The following ESR1 variants were observed in gnomAD, a reference collection of about 807,000 sequenced individuals.
ESR1 encodes estrogen receptor.
ESR1 carries 12 observed loss-of-function variants against 52.7 expected under a neutral mutation model. The ratio of observed to expected loss-of-function variants is 0.23; its 90% CI spans 0.15 to 0.37. The LOEUF (loss-of-function observed/expected upper bound fraction) is 0.37, where lower values mean the gene tolerates loss of function less well. Ranked by LOEUF, ESR1 falls within the 10% of genes least tolerant of loss-of-function variation. The pLI, the probability that ESR1 is intolerant of heterozygous loss-of-function variation, is 1.00. For missense variants in ESR1, 584 were observed against 779.7 expected (o/e 0.75, Z 2.99); for synonymous variants, 305 against 316.8 (o/e 0.96, Z 0.39).
At chr6:151,835,043 G>A (rs1783089975) in intron 1 of ESR1, among the ~76,000 whole-genome samples, 1 of 152,074 alleles carries the variant, frequency 6.6e-6, no homozygotes, top group Non-Finnish European at 1.5e-5. Context: ...AACCCCAGGA[G>A]CCAGCAAAGC....
chr6:151,888,247 T>G (rs1390142748), intron 3 of ESR1, among the ~76,000 whole-genome samples: 1 of 152,162 alleles, frequency 6.6e-6, no homozygotes, highest in Non-Finnish European at 1.5e-5. Flanking sequence ...ATCTGTAGAT[T>G]GATTTGTGTC....
chr6:152,055,337 G>A (rs1020648576), intron 5 of ESR1, among the ~76,000 whole-genome samples: 2 of 151,980 alleles, frequency 1.3e-5, no homozygotes. Context: ...TCATGTCCTC[G>A]CCGACAAGCC....
intron 6 of ESR1, among the ~76,000 whole-genome samples, chr6:152,063,948 C>T (rs373518776): frequency 2.0e-5 from 3 of 152,190 alleles, no homozygotes; most frequent in African/African-American, 7.2e-5. Context: ...TGAGGACCTG[C>T]TCGGAATGTC....
At chr6:151,918,818 G>A (rs1439018269) in intron 3 of ESR1, among the ~76,000 whole-genome samples, 1 of 152,216 alleles carries the variant, frequency 6.6e-6, no homozygotes, top group Non-Finnish European at 1.5e-5. Context: ...ATATAGGGAA[G>A]GGATGGAGGG....
chr6:151,656,693 G>A (rs940496198), exon 1 of ESR1: 2 of 152,148 alleles, frequency 1.3e-5, no homozygotes, highest in South Asian at 2.1e-4. Flanking sequence ...TAATCGCAGA[G>A]CCTCAAATAT....
At chr6:152,125,217 G>T in intron 6 of ESR1, 1 of 1,534,430 alleles carries the variant, frequency 6.5e-7, no homozygotes, top group Non-Finnish European at 8.8e-7. Context: ...TTTGCTGGTT[G>T]GTGATAGGAA....
chr6:151,992,371 G>A (rs1358321852), intron 4 of ESR1, among the ~76,000 whole-genome samples: 3 of 151,890 alleles, frequency 2.0e-5, no homozygotes, highest in South Asian at 2.1e-4. Flanking sequence ...CTCTTTCTAC[G>A]CGTTTAACTA....
intron 2 of ESR1, among the ~76,000 whole-genome samples, chr6:151,852,578 T>C (rs944209558): frequency 6.6e-6 from 1 of 150,580 alleles, no homozygotes; most frequent in African/African-American, 2.4e-5. Context: ...GCTGTACAAA[T>C]AGTAAACTGC....
chr6:151,825,804 G>A (rs143185687), intron 1 of ESR1, among the ~76,000 whole-genome samples: 1,692 of 151,532 alleles, frequency 0.011, 10 homozygotes, highest in Non-Finnish European at 0.018. Flanking sequence ...CGAGCTCTTC[G>A]GGAGGCTGAG....
chr6:151,822,550 C>A (rs188631584), intron 1 of ESR1, among the ~76,000 whole-genome samples: 1 of 152,282 alleles, frequency 6.6e-6, no homozygotes, highest in East Asian at 1.9e-4. Context: ...GTCAATATTT[C>A]TTCTCCTTGG....
chr6:151,802,940 C>T (rs578074923), upstream of ESR1, among the ~76,000 whole-genome samples: 2 of 149,082 alleles, frequency 1.3e-5, no homozygotes, highest in South Asian at 2.1e-4. Context: ...TGCAGTGAGC[C>T]GAGATCACAC....
At position 151,900,792 on chromosome 6, in the gene ESR1, G is replaced by A. The variant is rs781343258; in HGVS notation, c.760+20021G>A. ...TGTCTGCTCAGAGTCCTGTGCTATG[G>A]GCTGTTTTCAGGTCTCACAGCGTTG... On this transcript the variant is annotated intron_variant, in intron 3 of 7. Transcript: ENST00000206249. 5.1e-4 allele frequency among the ~76,000 whole-genome samples: 78 copies of A among 152,300 alleles called. 1 individual carries two copies. The highest frequency in any genetic ancestry group is 8.8e-5 in the Non-Finnish European group (6 of 68,030).
intron 3 of ESR1, among the ~76,000 whole-genome samples, chr6:151,932,600 A>G (rs1234393137): frequency 2.2e-4 from 26 of 119,402 alleles, no homozygotes; most frequent in East Asian, 9.7e-4. Context: ...TAACGTTTAA[A>G]TCTTTAATCC....
At chr6:151,763,192 A>C (rs1050743072) in intron 2 of ESR1, among the ~76,000 whole-genome samples, 1 of 151,280 alleles carries the variant, frequency 6.6e-6, no homozygotes, top group South Asian at 2.1e-4. Flanking sequence ...AATTATAACC[A>C]CCTTGGCTCC....
chr6:152,088,981 T>C (rs2049966991), intron 6 of ESR1, among the ~76,000 whole-genome samples: 2 of 152,226 alleles, frequency 1.3e-5, no homozygotes, highest in African/African-American at 2.4e-5. Flanking sequence ...TAGAAACATT[T>C]ATCCTATCTT....
At position 151,724,081 on chromosome 6, in the gene ESR1, A is replaced by C. The variant is rs768054549; in HGVS notation, c.-71+22076A>C. On this transcript the variant is annotated intron_variant, in intron 2 of 2. Coordinates refer to the ESR1 transcript ENST00000404742. ...AACCCACGCCTGTGGGGGCAGGGGC[A>C]TGAGCAGTGAGCCCATCTAACTACG... Among the ~76,000 whole-genome samples, 5 of 152,092 alleles carry C rather than the reference A, an allele frequency of 3.3e-5. No homozygotes were observed. The East Asian group carries it at 9.7e-4, about 30-fold the overall frequency.
At chr6:151,972,510 A>G (rs912744417) in intron 4 of ESR1, among the ~76,000 whole-genome samples, 1 of 152,230 alleles carries the variant, frequency 6.6e-6, no homozygotes, top group East Asian at 1.9e-4. Context: ...TCACAAGTCA[A>G]TAAATGTGAT....
chr6:151,950,809 G>T (rs2036243373), intron 4 of ESR1, among the ~76,000 whole-genome samples: 1 of 152,056 alleles, frequency 6.6e-6, no homozygotes, highest in South Asian at 2.1e-4. Context: ...GTACATTTCT[G>T]TTGTTTTTGA....
chr6:151,698,322 C>T (rs970729699), intron 1 of ESR1, among the ~76,000 whole-genome samples: 21 of 150,260 alleles, frequency 1.4e-4, no homozygotes, highest in African/African-American at 3.2e-4. Flanking sequence ...GCTGACATAG[C>T]GCCACTGCAC....
Sources: allele counts gnomAD v4.1 joint callset (sites outside exome capture counted in the v4.1 genomes callset), GRCh38; gene constraint gnomAD v4.1.1; transcripts MANE v1.5; gene names NCBI Gene and HGNC (gene_info 2026-07-23, HGNC 2026-07-21).